ATF7IP2: variants seen among roughly 807,000 people sequenced by gnomAD.
The protein encoded by ATF7IP2 is activating transcription factor 7 interacting protein 2.
ATF7IP2 carries 42 observed loss-of-function variants against 64.2 expected under a neutral mutation model. The observed-to-expected ratio is 0.65, with a 90% CI of 0.51 to 0.85. The LOEUF (loss-of-function observed/expected upper bound fraction) is 0.85, where lower values mean the gene tolerates loss of function less well. Ranked by LOEUF, ATF7IP2 falls within the 40% of genes least tolerant of loss-of-function variation. The pLI is 0.00. For missense variants in ATF7IP2, 933 were observed against 784.2 expected, an observed-to-expected ratio of 1.19 and a Z score of -2.27; for synonymous variants, 308 against 272.8, an observed-to-expected ratio of 1.13 and a Z score of -1.27.
At chr16:10,453,415 A>T (rs767632707) in intron 8 of ATF7IP2, among the ~76,000 whole-genome samples, 6 of 152,140 alleles carry the variant, frequency 3.9e-5, no homozygotes, top group Non-Finnish European at 8.8e-5. Context: ...GGCTACACCC[A>T]CTGTCCAACT....
intron 1 of ATF7IP2, among the ~76,000 whole-genome samples, chr16:10,405,638 C>G (rs1280130196): frequency 6.6e-6 from 1 of 152,160 alleles, no homozygotes; most frequent in Admixed American, 6.6e-5. Flanking sequence ...ACAAAAAGGC[C>G]AAACCACCTG....
chr16:10,390,702 T>G (rs536241380), intron 1 of ATF7IP2, among the ~76,000 whole-genome samples: 1 of 152,202 alleles, frequency 6.6e-6, no homozygotes, highest in South Asian at 2.1e-4. Context: ...GGCAGTAGGA[T>G]TACTTGAGCC....
At position 10,433,614 on chromosome 16, in the gene ATF7IP2, G is replaced by C. The variant is rs375592507; in HGVS notation, c.925G>C (p.Val309Leu). ...TSEQINENIC[V>L]SLERQTAFLE... Reference sequence around the variant, plus strand: ...AGAGCAAATTAATGAAAATATTTGTGTAAGTTTGGAAAGGCAAACAGCATT... The same window carrying C: ...AGAGCAAATTAATGAAAATATTTGTCTAAGTTTGGAAAGGCAAACAGCATT... The change falls in exon 6 of 14, where the codon GTA (valine) becomes CTA (leucine). Residue 309 changes from valine to leucine, a missense_variant. Coordinates refer to ENST00000562102, the MANE Select transcript of ATF7IP2 (RefSeq NM_001393719.1). 17 of 1,613,670 alleles carry C rather than the reference G, an allele frequency of 1.1e-5. No homozygotes were observed. The African/African-American group carries it at 2.1e-4, about 20-fold the overall frequency.
At chr16:10,446,169 A>G (rs1208987044) in intron 8 of ATF7IP2, 1 of 152,170 alleles carries the variant, frequency 6.6e-6, no homozygotes, top group Non-Finnish European at 1.5e-5. Context: ...CCCTGTTTTG[A>G]AAGGGGTCTC....
intron 8 of ATF7IP2, among the ~76,000 whole-genome samples, chr16:10,456,078 C>G (rs1452435385): frequency 6.6e-6 from 1 of 151,988 alleles, no homozygotes; most frequent in Non-Finnish European, 1.5e-5. Flanking sequence ...CTCCTGGGTT[C>G]AATCAATTCT....
chr16:10,388,805 T>C (rs1030680813), intron 1 of ATF7IP2, among the ~76,000 whole-genome samples: 11 of 151,568 alleles, frequency 7.3e-5, no homozygotes, highest in Admixed American at 2.6e-4. Context: ...GGTCAGGAGA[T>C]TGAGACCATC....
At chr16:10,388,936 C>T (rs374980024) in intron 1 of ATF7IP2, among the ~76,000 whole-genome samples, 9 of 151,506 alleles carry the variant, frequency 5.9e-5, no homozygotes, top group Non-Finnish European at 4.4e-5. Flanking sequence ...GGCGTGAAGC[C>T]GGGAGGCGGA....
At position 10,406,857 on chromosome 16, in the gene ATF7IP2, C is replaced by T. The variant is rs181745886; in HGVS notation, c.-241-7717C>T. Among the ~76,000 whole-genome samples, 863 of 152,320 alleles carry T rather than the reference C, an allele frequency of 5.7e-3. 12 individuals carry two copies. The highest frequency in any genetic ancestry group is 9.7e-3 in the South Asian group (47 of 4,830). On this transcript the variant is annotated intron_variant, in intron 1 of 13. Coordinates refer to ENST00000562102, the MANE Select transcript of ATF7IP2 (RefSeq NM_001393719.1). ...ATTTAAAGAAGTAATACCAATCCTA[C>T]TGAAATCATTTTGAAAAATAGATGA... is the stretch of plus-strand genomic sequence containing the variant.
chr16:10,403,766 G>A (rs564811120), intron 1 of ATF7IP2, among the ~76,000 whole-genome samples: 75 of 152,202 alleles, frequency 4.9e-4, no homozygotes, highest in Non-Finnish European at 7.9e-4. Flanking sequence ...ATATCTTTTC[G>A]TAAAACCAAA....
chr16:10,464,182 C>G (rs570518614), intron 9 of ATF7IP2, among the ~76,000 whole-genome samples: 19 of 152,168 alleles, frequency 1.2e-4, no homozygotes, highest in Non-Finnish European at 1.2e-4. Flanking sequence ...TTTCAAATTG[C>G]TCAAGTGTGG....
intron 4 of ATF7IP2, among the ~76,000 whole-genome samples, chr16:10,430,180 A>G (rs2048198461): frequency 6.6e-6 from 1 of 152,174 alleles, no homozygotes; most frequent in Admixed American, 6.5e-5. Context: ...CTTGAACATT[A>G]GGAAAGCTTA....
intron 8 of ATF7IP2, chr16:10,448,494 G>T (rs2048883348): frequency 6.6e-6 from 1 of 152,064 alleles, no homozygotes; most frequent in Non-Finnish European, 1.5e-5. Flanking sequence ...CACATCCCTT[G>T]TAAGTTGGAT....
At chr16:10,451,733 A>C (rs151002739) in intron 8 of ATF7IP2, among the ~76,000 whole-genome samples, 66 of 151,864 alleles carry the variant, frequency 4.3e-4, no homozygotes, top group Admixed American at 3.7e-3. Context: ...ACCTTTTTTC[A>C]AAGCTCTTAG....
chr16:10,399,043 G>A (rs930582202), intron 1 of ATF7IP2, among the ~76,000 whole-genome samples: 2 of 152,150 alleles, frequency 1.3e-5, no homozygotes, highest in African/African-American at 2.4e-5. Flanking sequence ...AACCCGTGAG[G>A]CGGAGTTTGC....
At chr16:10,471,545 G>A (rs917882547) in intron 9 of ATF7IP2, among the ~76,000 whole-genome samples, 22 of 151,112 alleles carry the variant, frequency 1.5e-4, no homozygotes, top group Admixed American at 5.9e-4. Flanking sequence ...CAAAAAAGTC[G>A]CTCATAAAAA....
At chr16:10,479,345 G>A (rs574713698) in intron 12 of ATF7IP2, among the ~76,000 whole-genome samples, 12 of 151,884 alleles carry the variant, frequency 7.9e-5, no homozygotes, top group South Asian at 6.2e-4. Flanking sequence ...GTTCATGTCC[G>A]TTGTAGGGAC....
intron 12 of ATF7IP2, among the ~76,000 whole-genome samples, chr16:10,476,503 T>A (rs2050014132): frequency 6.6e-6 from 1 of 152,170 alleles, no homozygotes; most frequent in Admixed American, 6.5e-5. Context: ...TGTGTGTTTT[T>A]TTTTAAACTT....
rs535810787 is a variant in ATF7IP2 at position 10,471,528 on chromosome 16, C to CA, written c.1353-576dup. On this transcript the variant is annotated intron_variant, in intron 9 of 13. Transcript: ENST00000562102. ...GGGGGACAAGAGCAAAACTCCATCTCAAAAAACAAAAAAGTCGCTCATAAA... is the reference window on the plus strand; with the variant it reads ...GGGGGACAAGAGCAAAACTCCATCTCAAAAAAACAAAAAAGTCGCTCATAAA... Among the ~76,000 whole-genome samples, 10 of 151,210 alleles carry CA rather than the reference C, an allele frequency of 6.6e-5. No homozygotes were observed. In the South Asian group the frequency reaches 1.0e-3, roughly 16 times the overall value.
intron 9 of ATF7IP2, among the ~76,000 whole-genome samples, chr16:10,469,484 C>G (rs1221192606): frequency 6.6e-6 from 1 of 151,914 alleles, no homozygotes; most frequent in Non-Finnish European, 1.5e-5. Flanking sequence ...TGAAAGCATA[C>G]AAAACCACAT....
Sources: allele counts gnomAD v4.1 joint callset (sites outside exome capture counted in the v4.1 genomes callset), GRCh38; gene constraint gnomAD v4.1.1; transcripts MANE v1.5; gene names NCBI Gene and HGNC (gene_info 2026-07-23, HGNC 2026-07-21).